OSBPL9: variants seen among roughly 807,000 people sequenced by gnomAD.
The protein encoded by OSBPL9 is oxysterol binding protein like 9.
In OSBPL9, 40 loss-of-function variants were observed where a neutral mutation model predicts 106.6. The ratio of observed to expected loss-of-function variants is 0.38; its 90% CI spans 0.29 to 0.49. OSBPL9 has a LOEUF of 0.49. Among genes scored for constraint, OSBPL9 ranks in the 20% least tolerant of loss-of-function variants. OSBPL9 has a pLI of 0.97. For synonymous variants in OSBPL9, 269 were observed against 295.4 expected, an observed-to-expected ratio of 0.91 and a Z score of 0.92; for missense variants, 609 against 887.2, an observed-to-expected ratio of 0.69 and a Z score of 3.98.
At chr1:51,595,385 C>CCATT (rs1645294641) in intron 1 of OSBPL9, among the ~76,000 whole-genome samples, 1 of 152,168 alleles carries the variant, frequency 6.6e-6, no homozygotes, top group Non-Finnish European at 1.5e-5. Flanking sequence ...ATCCATCCTT[C>CCATT]CATTCATCCA....
intron 4 of OSBPL9, among the ~76,000 whole-genome samples, chr1:51,735,281 G>A (rs1211324045): frequency 6.6e-6 from 1 of 152,194 alleles, no homozygotes; most frequent in Non-Finnish European, 1.5e-5. Flanking sequence ...TGCCCCTTCA[G>A]GCTACTTGCA....
At chr1:51,620,451 G>A (rs975922438) in intron 1 of OSBPL9, among the ~76,000 whole-genome samples, 2 of 152,150 alleles carry the variant, frequency 1.3e-5, no homozygotes, top group Admixed American at 6.5e-5. Flanking sequence ...GATAAGAGCT[G>A]TGATAGAGGA....
At chr1:51,740,064 TA>T in intron 4 of OSBPL9, 1 of 1,529,326 alleles carries the variant, frequency 6.5e-7, no homozygotes, top group South Asian at 1.2e-5. Context: ...TTTCTCTTAC[TA>T]TTCCTTTACT....
chr1:51,779,865 C>T (rs1190161050), intron 15 of OSBPL9, among the ~76,000 whole-genome samples: 1 of 152,078 alleles, frequency 6.6e-6, no homozygotes, highest in East Asian at 1.9e-4. Flanking sequence ...ATCACGAGGT[C>T]AGGAGAGTGA....
At chr1:51,648,067 G>A (rs1185370011) in intron 1 of OSBPL9, among the ~76,000 whole-genome samples, 1 of 152,174 alleles carries the variant, frequency 6.6e-6, no homozygotes, top group Non-Finnish European at 1.5e-5. Context: ...CAGAGAGAGT[G>A]ACAGTTACTG....
chr1:51,567,962 A>G, the OSBPL9 span: 1 of 152,282 alleles, frequency 6.6e-6, no homozygotes, highest in African/African-American at 2.4e-5. Flanking sequence ...CAGGATATAG[A>G]TGGCACAATC....
intron 15 of OSBPL9, among the ~76,000 whole-genome samples, chr1:51,779,994 C>T (rs567685526): frequency 9.9e-5 from 15 of 151,372 alleles, no homozygotes; most frequent in South Asian, 2.1e-4. Flanking sequence ...AGGAGAATGG[C>T]GTGAACCCGG....
intron 2 of OSBPL9, among the ~76,000 whole-genome samples, chr1:51,599,353 A>G (rs1169358618): frequency 1.3e-5 from 2 of 152,184 alleles, no homozygotes; most frequent in South Asian, 2.1e-4. Context: ...TTACATTCCC[A>G]TGGAGTCTGT....
intron 1 of OSBPL9, among the ~76,000 whole-genome samples, chr1:51,650,776 G>T (rs889996534): frequency 7.2e-5 from 11 of 152,084 alleles, no homozygotes; most frequent in African/African-American, 2.4e-4. Context: ...TTAAGTATTT[G>T]TTCAACTTCC....
intron 1 of OSBPL9, among the ~76,000 whole-genome samples, chr1:51,634,413 AAAAAC>A (rs1433139974): frequency 6.6e-6 from 1 of 152,242 alleles, no homozygotes; most frequent in East Asian, 1.9e-4. Context: ...GTGGTATGTG[AAAAAC>A]AAAACAAAAA....
At chr1:51,607,429 T>C (rs1643956736) in intron 2 of OSBPL9, among the ~76,000 whole-genome samples, 1 of 152,168 alleles carries the variant, frequency 6.6e-6, no homozygotes, top group Non-Finnish European at 1.5e-5. Flanking sequence ...CCCAAAGAGC[T>C]AGGATTACAG....
At chr1:51,557,577 T>A in the OSBPL9 span, among the ~76,000 whole-genome samples, 1 of 152,208 alleles carries the variant, frequency 6.6e-6, no homozygotes, top group African/African-American at 2.4e-5. Flanking sequence ...AACTGTGAAC[T>A]GTGTTCGACT....
At chr1:51,540,817 G>C in the OSBPL9 span, among the ~76,000 whole-genome samples, 1 of 151,478 alleles carries the variant, frequency 6.6e-6, no homozygotes, top group African/African-American at 2.4e-5. Flanking sequence ...AAATTAGCCA[G>C]GTGGGGTGGT....
chr1:51,597,438 T>TGC (rs1645305676), intron 1 of OSBPL9, among the ~76,000 whole-genome samples: 1 of 150,448 alleles, frequency 6.6e-6, no homozygotes, highest in South Asian at 2.1e-4. Context: ...TGTGTGTGTG[T>TGC]GTGTGTGTGT....
chr1:51,617,031 C>A, upstream of OSBPL9: 1 of 1,454,776 alleles, frequency 6.9e-7, no homozygotes, highest in Non-Finnish European at 9.3e-7. Context: ...GCCCCGCCCC[C>A]TGCGGCCCCG....
At chr1:51,662,946 G>C (rs147801633) in intron 2 of OSBPL9, among the ~76,000 whole-genome samples, 1 of 151,758 alleles carries the variant, frequency 6.6e-6, no homozygotes, top group South Asian at 2.1e-4. Flanking sequence ...GGGTTTCACC[G>C]TGTTAGCCAG....
chr1:51,664,274 A>G (rs1385752950), intron 2 of OSBPL9, among the ~76,000 whole-genome samples: 3 of 152,232 alleles, frequency 2.0e-5, no homozygotes, highest in Non-Finnish European at 4.4e-5. Flanking sequence ...GGAATGATAT[A>G]TATAGCAATA....
chr1:51,534,121 T>C, the OSBPL9 span, among the ~76,000 whole-genome samples: 2 of 151,854 alleles, frequency 1.3e-5, no homozygotes, highest in Non-Finnish European at 2.9e-5. Context: ...CAAGAATCAC[T>C]TGAACCCGGG....
At chr1:51,541,378 A>G in the OSBPL9 span, among the ~76,000 whole-genome samples, 1 of 152,170 alleles carries the variant, frequency 6.6e-6, no homozygotes. Context: ...GTCATCATCT[A>G]CACTCCATCT....
Sources: allele counts gnomAD v4.1 joint callset (sites outside exome capture counted in the v4.1 genomes callset), GRCh38; gene constraint gnomAD v4.1.1; transcripts MANE v1.5; gene names NCBI Gene and HGNC (gene_info 2026-07-23, HGNC 2026-07-21).